The following CADM2 variants were observed in gnomAD, a reference collection of about 807,000 sequenced individuals.
CADM2 encodes immunoglobulin superfamily member 4D.
Under a neutral mutation model 49.8 loss-of-function variants are expected in CADM2, and 12 were observed. The ratio of observed to expected loss-of-function variants is 0.24; its 90% CI spans 0.15 to 0.39. CADM2 has a LOEUF of 0.39. Among genes scored for constraint, CADM2 ranks in the 10% least tolerant of loss-of-function variants. CADM2 has a pLI of 1.00. For synonymous variants in CADM2, 214 were observed against 175.4 expected (o/e 1.22, Z -1.74); for missense variants, 378 against 492.3 (o/e 0.77, Z 2.20).
chr3:85,776,099 A>G (rs2070346341), intron 2 of CADM2, among the ~76,000 whole-genome samples: 1 of 151,898 alleles, frequency 6.6e-6, no homozygotes. Flanking sequence ...AAATTTTCAT[A>G]GTAAAACCAT....
At chr3:86,003,739 C>T (rs1003130198) in intron 8 of CADM2, among the ~76,000 whole-genome samples, 1 of 152,110 alleles carries the variant, frequency 6.6e-6, no homozygotes, top group Non-Finnish European at 1.5e-5. Context: ...ACATTAAAGT[C>T]TTTGTCACAC....
intron 1 of CADM2, among the ~76,000 whole-genome samples, chr3:85,431,770 A>C (rs2107522974): frequency 6.8e-6 from 1 of 146,632 alleles, no homozygotes; most frequent in African/African-American, 2.5e-5. Context: ...GAAATTTTGT[A>C]GTGGCTATTG....
chr3:85,417,348 C>T (rs2035962438), intron 1 of CADM2, among the ~76,000 whole-genome samples: 1 of 152,114 alleles, frequency 6.6e-6, no homozygotes, highest in Non-Finnish European at 1.5e-5. Flanking sequence ...CTATCACCAC[C>T]TCCTGAAATG....
At chr3:85,631,061 A>T (rs1344617430) in intron 1 of CADM2, among the ~76,000 whole-genome samples, 1 of 152,050 alleles carries the variant, frequency 6.6e-6, no homozygotes, top group Non-Finnish European at 1.5e-5. Flanking sequence ...ATTCCTCAAA[A>T]ACATCAAACT....
At chr3:86,022,427 A>G (rs1029787464) in intron 8 of CADM2, among the ~76,000 whole-genome samples, 2 of 152,082 alleles carry the variant, frequency 1.3e-5, no homozygotes, top group African/African-American at 4.8e-5. Flanking sequence ...TTTCAAACTT[A>G]TTTTGTAATG....
intron 1 of CADM2, among the ~76,000 whole-genome samples, chr3:85,322,454 A>G (rs963760570): frequency 6.6e-6 from 1 of 152,194 alleles, no homozygotes; most frequent in Non-Finnish European, 1.5e-5. Context: ...CAAGAAATCT[A>G]CACCTTTGGT....
At chr3:84,961,639 C>T (rs2035560) in intron 1 of CADM2, among the ~76,000 whole-genome samples, 7,333 of 151,246 alleles carry the variant, frequency 0.048, 216 homozygotes, top group Admixed American at 0.089. Flanking sequence ...TGTGTGTGTG[C>T]GCGCGCGCGC....
intron 1 of CADM2, among the ~76,000 whole-genome samples, chr3:85,307,431 G>C (rs1166992000): frequency 6.6e-6 from 1 of 151,676 alleles, no homozygotes; most frequent in African/African-American, 2.4e-5. Flanking sequence ...TCAGCGGCTT[G>C]CCTACTGGAA....
chr3:85,945,364 T>A (rs140963980), intron 7 of CADM2, among the ~76,000 whole-genome samples: 6,074 of 152,220 alleles, frequency 0.04, 240 homozygotes, highest in East Asian at 0.13. Flanking sequence ...GAGGAGCTGG[T>A]ACTATTCCTT....
chr3:85,632,213 C>T lies in CADM2; in HGVS notation c.62-94309C>T, dbSNP rs565166980. ...TAATGGTTTTAAAAATGAGAGTTTCCCTACACTAGCTCTCTCTTTGCCTGC... is the reference window on the plus strand; with the variant it reads ...TAATGGTTTTAAAAATGAGAGTTTCTCTACACTAGCTCTCTCTTTGCCTGC... On this transcript the variant is annotated intron_variant, in intron 1 of 9. Transcript: ENST00000383699. 2.0e-5 allele frequency among the ~76,000 whole-genome samples: 3 copies of T among 152,072 alleles called. No homozygotes were observed. The South Asian group carries it at 6.2e-4, about 32-fold the overall frequency.
chr3:85,130,665 C>CACAGG (rs1169574085), intron 1 of CADM2, among the ~76,000 whole-genome samples: 1 of 152,066 alleles, frequency 6.6e-6, no homozygotes, highest in Non-Finnish European at 1.5e-5. Flanking sequence ...GTCTTAATAA[C>CACAGG]ACAGGGTGTT....
intron 3 of CADM2, among the ~76,000 whole-genome samples, chr3:85,827,803 C>T (rs1277502569): frequency 6.6e-6 from 1 of 151,956 alleles, no homozygotes; most frequent in East Asian, 1.9e-4. Context: ...ATATATCGTA[C>T]TCAAAGTGAA....
intron 1 of CADM2, among the ~76,000 whole-genome samples, chr3:85,288,793 C>CCCG (rs941968189): frequency 2.9e-5 from 4 of 136,242 alleles, no homozygotes; most frequent in Non-Finnish European, 4.9e-5. Context: ...TGCCCCCCCC[C>CCCG]CCTCTTTTTT....
At chr3:85,765,525 G>C (rs1447966644) in intron 2 of CADM2, among the ~76,000 whole-genome samples, 1 of 151,872 alleles carries the variant, frequency 6.6e-6, no homozygotes, top group African/African-American at 2.4e-5. Flanking sequence ...TTTTAATTCA[G>C]ATGTCATAGT....
At chr3:85,448,184 T>G (rs550127870) in intron 1 of CADM2, among the ~76,000 whole-genome samples, 1 of 151,096 alleles carries the variant, frequency 6.6e-6, no homozygotes, top group East Asian at 1.9e-4. Flanking sequence ...ACAAAAAAAA[T>G]TAGCCAGGCG....
intron 8 of CADM2, among the ~76,000 whole-genome samples, chr3:85,996,422 C>T (rs1269583665): frequency 6.6e-6 from 1 of 151,162 alleles, no homozygotes; most frequent in Admixed American, 6.6e-5. Flanking sequence ...CTTAGCATCC[C>T]GAGTAGCTGG....
chr3:85,959,346 C>T (rs1361537750), intron 7 of CADM2, among the ~76,000 whole-genome samples: 1 of 151,716 alleles, frequency 6.6e-6, no homozygotes, highest in Non-Finnish European at 1.5e-5. Flanking sequence ...TTTATGGGGG[C>T]TTCATTAGGT....
At chr3:85,517,692 T>C (rs1467726846) in intron 1 of CADM2, among the ~76,000 whole-genome samples, 1 of 152,188 alleles carries the variant, frequency 6.6e-6, no homozygotes, top group Non-Finnish European at 1.5e-5. Flanking sequence ...TCCCCATTAG[T>C]TTAATTAAAA....
At chr3:85,870,899 G>A (rs1232163131) in intron 3 of CADM2, among the ~76,000 whole-genome samples, 2 of 151,994 alleles carry the variant, frequency 1.3e-5, no homozygotes, top group African/African-American at 2.4e-5. Flanking sequence ...AACTCAAGAT[G>A]GATTAAAGGC....
Sources: allele counts gnomAD v4.1 joint callset (sites outside exome capture counted in the v4.1 genomes callset), GRCh38; gene constraint gnomAD v4.1.1; transcripts MANE v1.5; gene names NCBI Gene and HGNC (gene_info 2026-07-23, HGNC 2026-07-21).